The following TCF4 variants were observed in gnomAD, a reference collection of about 807,000 sequenced individuals.
TCF4 encodes transcription factor 4, also known as SL3-3 enhancer factor 2.
Under a neutral mutation model 82.1 loss-of-function variants are expected in TCF4, and 3 were observed. That is an observed-to-expected ratio of 0.04 (90% CI 0.02 to 0.09). TCF4 has a LOEUF of 0.09. TCF4 is among the 10% of genes least tolerant of loss of function. The pLI is 1.00. For synonymous variants in TCF4, 276 were observed against 309.6 expected (o/e 0.89, Z 1.14); for missense variants, 518 against 852.7 (o/e 0.61, Z 4.89).
At chr18:55,514,436 CA>C (rs879277707) in intron 3 of TCF4, among the ~76,000 whole-genome samples, 1,703 of 151,954 alleles carry the variant, frequency 0.011, 17 homozygotes, top group Non-Finnish European at 0.013. Flanking sequence ...CACACACACA[CA>C]CACACACACC....
In TCF4 at chr18:55,403,443, T is replaced by C. The variant is rs2146489892; in HGVS notation, c.369+11A>G. 6.2e-7 allele frequency: 1 copy of C among 1,613,652 alleles called. No individual in the cohort carries two copies. The highest frequency in any genetic ancestry group is 1.7e-5 in the Admixed American group (1 of 60,000). On this transcript the variant is annotated intron_variant, in intron 6 of 19. Coordinates refer to ENST00000354452, the MANE Select transcript of TCF4 (RefSeq NM_001083962.2). ...CCTCTCAACCCTTCCGCAACAGAGATTCTCACTTACCTGGTGGCAACCCTG... is the reference window on the plus strand; with the variant it reads ...CCTCTCAACCCTTCCGCAACAGAGACTCTCACTTACCTGGTGGCAACCCTG...
At chr18:55,517,268 C>A (rs777936912) in intron 3 of TCF4, among the ~76,000 whole-genome samples, 5 of 152,104 alleles carry the variant, frequency 3.3e-5, no homozygotes, top group Admixed American at 6.6e-5. Context: ...CTCTTTTGTG[C>A]GGCTGGGTGA....
At chr18:55,237,431 T>C (rs1327486446) in intron 15 of TCF4, among the ~76,000 whole-genome samples, 2 of 151,998 alleles carry the variant, frequency 1.3e-5, no homozygotes, top group African/African-American at 4.8e-5. Context: ...TATCAATCAT[T>C]TTCCATAAAG....
rs1279926912 is a variant in TCF4 at position 55,269,574 on chromosome 18, G to A, written c.922+257C>T. On this transcript the variant is annotated intron_variant, in intron 11 of 19. Transcript: ENST00000354452. ...TGAATGTGAGGAACAAGATAGTTTT[G>A]GTCTGTTTGAACCCTTGTTCAATCT... is the stretch of plus-strand genomic sequence containing the variant. The A allele has an allele frequency of 1.0e-5, 5 of 493,324 alleles. No homozygotes were observed. The Admixed American group carries it at 1.6e-4, about 16-fold the overall frequency. The allele number at this position is 493,324 out of a possible 1,614,324, so 30.6% of individuals were successfully genotyped here. A position where few individuals can be genotyped will look rare whatever the true frequency, so the allele number is the denominator to read the frequency against.
intron 3 of TCF4, among the ~76,000 whole-genome samples, chr18:55,491,830 G>A (rs1202737485): frequency 2.0e-5 from 3 of 152,102 alleles, no homozygotes; most frequent in Non-Finnish European, 2.9e-5. Context: ...AAATCTCAGC[G>A]TTAAAACTCT....
At chr18:55,535,984 G>A (rs374729751) in intron 3 of TCF4, among the ~76,000 whole-genome samples, 1 of 152,138 alleles carries the variant, frequency 6.6e-6, no homozygotes, top group Non-Finnish European at 1.5e-5. Context: ...TTAAAGAACA[G>A]TGTTTCCACA....
intron 2 of TCF4, chr18:55,586,273 G>C (rs1480921698): frequency 1.1e-6 from 1 of 896,736 alleles, no homozygotes; most frequent in African/African-American, 1.6e-5. Context: ...TTATTTGTGT[G>C]TTTTGTGGAT....
At chr18:55,251,190 G>A (rs1216699094) in intron 15 of TCF4, among the ~76,000 whole-genome samples, 1 of 152,070 alleles carries the variant, frequency 6.6e-6, no homozygotes, top group Non-Finnish European at 1.5e-5. Flanking sequence ...TAAGGAATTG[G>A]TCTTTATCTT....
At chr18:55,335,312 A>C (rs572179485) in intron 8 of TCF4, among the ~76,000 whole-genome samples, 2 of 152,354 alleles carry the variant, frequency 1.3e-5, no homozygotes, top group East Asian at 3.9e-4. Flanking sequence ...ATTGCTAAAT[A>C]ATTTAATGTA....
In TCF4 at chr18:55,633,576, A is replaced by AT. The variant is rs1381976344; in HGVS notation, c.195+2126dup. Among the ~76,000 whole-genome samples the AT allele has an allele frequency of 6.6e-6, 1 of 152,124 alleles. No homozygotes were observed. The highest frequency in any genetic ancestry group is 2.4e-5 in the African/African-American group (1 of 41,442). On this transcript the variant is annotated intron_variant, in intron 1 of 20. Transcript: ENST00000398339. The surrounding 1 kb of genome is among the most constrained non-coding windows in gnomAD (Gnocchi z 4.0). Reference sequence around the variant, plus strand: ...GTTTTGTTGGAGGATTTGTGGACATATTTTAAACCCAGAATACCTGGGGAG... The same window carrying AT: ...GTTTTGTTGGAGGATTTGTGGACATATTTTTAAACCCAGAATACCTGGGGAG...
At chr18:55,509,575 A>G (rs2096802037) in intron 3 of TCF4, among the ~76,000 whole-genome samples, 1 of 152,230 alleles carries the variant, frequency 6.6e-6, no homozygotes, top group Non-Finnish European at 1.5e-5. Context: ...ATACAGTTTA[A>G]AGGCAACTAA....
chr18:55,267,344 T>C (rs550840833), intron 11 of TCF4: 2 of 152,130 alleles, frequency 1.3e-5, no homozygotes, highest in Non-Finnish European at 2.9e-5. Context: ...ATGTATCCTA[T>C]TAATCCATAC....
intron 3 of TCF4, among the ~76,000 whole-genome samples, chr18:55,473,923 A>AATATATAGGACTTTTATAG (rs1488024906): frequency 2.0e-5 from 3 of 152,138 alleles, no homozygotes; most frequent in African/African-American, 7.2e-5. Context: ...CTGCCCTATA[A>AATATATAGGACTTTTATAG]AAGTCTCAAG....
chr18:55,303,390 G>C (rs2069043568), intron 8 of TCF4, among the ~76,000 whole-genome samples: 1 of 152,100 alleles, frequency 6.6e-6, no homozygotes, highest in African/African-American at 2.4e-5. Context: ...TTAAGGGTCA[G>C]TGTTAGTCTA....
chr18:55,413,083 A>G (rs1242149094), intron 5 of TCF4, among the ~76,000 whole-genome samples: 2 of 152,208 alleles, frequency 1.3e-5, no homozygotes, highest in Non-Finnish European at 2.9e-5. Context: ...CATCTCTTAA[A>G]CTATACACAT....
rs544024920 is a variant in TCF4, at chr18:55,438,390, G to A, written c.304+22629C>T. Among the ~76,000 whole-genome samples, 11 of 152,046 alleles carry A rather than the reference G, an allele frequency of 7.2e-5. No individual in the cohort carries two copies. In the South Asian group the frequency reaches 1.7e-3, roughly 23 times the overall value. ...CAATAAGATGGCAAACTCACCCAGG[G>A]CAGGGACCAAGTCTGACAGTCCCCA... On this transcript the variant is annotated intron_variant, in intron 5 of 19. Transcript: ENST00000354452.
chr18:55,542,029 G>C (rs1254042684), intron 3 of TCF4, among the ~76,000 whole-genome samples: 1 of 151,896 alleles, frequency 6.6e-6, no homozygotes, highest in Admixed American at 6.6e-5. Context: ...GATTCTATAA[G>C]CTTTTATATT....
chr18:55,408,261 G>A (rs1194383971), intron 5 of TCF4, among the ~76,000 whole-genome samples: 1 of 152,150 alleles, frequency 6.6e-6, no homozygotes, highest in Admixed American at 6.5e-5. Context: ...AAAATTATCT[G>A]ATGCTGCAGG....
At chr18:55,391,955 CTTTTTTTT>C (rs1212656712) in intron 6 of TCF4, among the ~76,000 whole-genome samples, 2 of 61,710 alleles carry the variant, frequency 3.2e-5, no homozygotes, top group African/African-American at 9.1e-5. Flanking sequence ...AAAAAAAAAT[CTTTTTTTT>C]TTTTTTTTTT....
Sources: allele counts gnomAD v4.1 joint callset (sites outside exome capture counted in the v4.1 genomes callset), GRCh38; gene constraint gnomAD v4.1.1; non-coding constraint Gnocchi (gnomAD v3.1); transcripts MANE v1.5; gene names NCBI Gene and HGNC (gene_info 2026-07-23, HGNC 2026-07-21).